Variants in RPGRIP1L observed in about 807,000 individuals in gnomAD.
RPGRIP1L encodes protein fantom.
In RPGRIP1L, 131 loss-of-function variants were observed where a neutral mutation model predicts 160.4. The ratio of observed to expected loss-of-function variants is 0.82; its 90% CI spans 0.71 to 0.94. RPGRIP1L has a LOEUF of 0.94. Ranked by LOEUF, RPGRIP1L falls within the 40% of genes least tolerant of loss-of-function variation. RPGRIP1L has a pLI of 0.00. For synonymous variants in RPGRIP1L, 510 were observed against 515.8 expected (o/e 0.99, Z 0.15); for missense variants, 1,522 against 1,535.8 (o/e 0.99, Z 0.15).
intron 11 of RPGRIP1L, 149 bp downstream of exon 11, chr16:53,658,623 G>A: frequency 1.2e-6 from 1 of 837,658 alleles, no homozygotes; most frequent in Non-Finnish European, 2.0e-6. Context: ...ATGTCCCTAT[G>A]GAACATAAAC....
At chr16:53,659,710 CT>C (rs1418514270) in intron 10 of RPGRIP1L, 1 of 151,746 alleles carries the variant, frequency 6.6e-6, no homozygotes, top group Non-Finnish European at 1.5e-5. Context: ...ACAGGGAGAT[CT>C]CATCTCTTAA....
Position 53,652,475 on chromosome 16 carries a change from A to G in RPGRIP1L, c.2152+60T>C, listed in dbSNP as rs1055055159. On this transcript the variant is annotated intron_variant, in intron 15 of 26. Transcript: ENST00000647211. ...AGAAAAGATAGTAATGTAGAGTACC[A>G]TAACGATATATAAACCAAATTAGTA... 6.2e-6 allele frequency: 8 copies of G among 1,300,088 alleles called. No individual in the cohort carries two copies. The African/African-American group carries it at 1.0e-4, about 17-fold the overall frequency. The allele number at this position is 1,300,088 out of a possible 1,614,324, so 80.5% of individuals were successfully genotyped here.
chr16:53,679,831 G>A (rs1223770748), intron 6 of RPGRIP1L, among the ~76,000 whole-genome samples: 1 of 152,136 alleles, frequency 6.6e-6, no homozygotes, highest in Non-Finnish European at 1.5e-5. Context: ...AAAAACAGCT[G>A]TTGTTTAAAG....
intron 6 of RPGRIP1L, among the ~76,000 whole-genome samples, chr16:53,676,783 C>T (rs552719819): frequency 6.6e-6 from 1 of 152,100 alleles, no homozygotes; most frequent in East Asian, 1.9e-4. Flanking sequence ...CAGGCGCGTG[C>T]CACCATGCAC....
chr16:53,637,793 T>C lies in RPGRIP1L; in HGVS notation c.3122A>G (p.Lys1041Arg). The C allele has an allele frequency of 6.2e-7, 1 of 1,613,426 alleles. No individual in the cohort carries two copies. The highest frequency in any genetic ancestry group is 8.5e-7 in the Non-Finnish European group (1 of 1,179,796). Residue 1041 changes from lysine (K) to arginine (R), a missense_variant, in exon 21 of 27, where the codon AAA becomes AGA. Physicochemically the swap from Lys to Arg is conservative, Grantham distance 26. Coordinates refer to ENST00000647211, the MANE Select transcript of RPGRIP1L (RefSeq NM_015272.5). ...TTCAGATAGTAAAGACACATCATCT[T>C]TTCCTTGCTGCATTTTCTCAGTATT... The part of the protein sequence containing the change: ...KENTEKMQQG[K>R]DDVSLLSEGQ...
rs1436816285 is a variant in RPGRIP1L, at chr16:53,615,470, A to ATTTTTTTT, written c.3616+3554_3616+3555insAAAAAAAA. 3.9e-4 allele frequency among the ~76,000 whole-genome samples: 33 copies of ATTTTTTTT among 85,258 alleles called. 1 individual carries two copies. The highest frequency in any genetic ancestry group is 1.6e-3 in the African/African-American group (31 of 19,820). 55.9% of individuals were successfully genotyped at this position (85,258 alleles called of 152,430 possible). ...TCTAAGAATATATATATATATATAT[A>ATTTTTTTT]TATTTTTTTTTTTTTTTTTTTGAGA... is the stretch of plus-strand genomic sequence containing the variant. On this transcript the variant is annotated intron_variant, in intron 24 of 26. Transcript: ENST00000647211.
intron 8 of RPGRIP1L, 113 bp downstream of exon 8, chr16:53,672,757 C>T (rs943972970): frequency 4.2e-6 from 4 of 949,558 alleles, no homozygotes; most frequent in Admixed American, 4.1e-5. Flanking sequence ...ACACCATGTA[C>T]ATAACTTATA....
rs974340563 is a variant in RPGRIP1L, at chr16:53,645,774, G to A, written c.2534C>T (p.Pro845Leu). 6.2e-7 allele frequency: 1 copy of A among 1,613,988 alleles called. No homozygotes were observed. The highest frequency in any genetic ancestry group is 1.3e-5 in the African/African-American group (1 of 74,918). Residue 845 changes from proline to leucine, a missense_variant, in exon 17 of 27, where the codon CCA becomes CTA. Physicochemically the swap from Pro to Leu is moderately conservative, Grantham distance 98 (BLOSUM62 -3). Transcript: ENST00000647211. ...DPQFDDHMYF[P>L]VPMNMDLDRY... ...ATCCAAGTCCATATTCATTGGCACT[G>A]GGAAATACATATGATCATCAAACTG... is the stretch of plus-strand genomic sequence containing the variant.
intron 10 of RPGRIP1L, among the ~76,000 whole-genome samples, chr16:53,662,511 T>C (rs988261728): frequency 2.6e-5 from 4 of 152,102 alleles, no homozygotes; most frequent in African/African-American, 9.7e-5. Context: ...CAAAGAACAC[T>C]TGATACATGA....
chr16:53,676,001 A>C (rs1969126105), intron 6 of RPGRIP1L, among the ~76,000 whole-genome samples: 1 of 152,138 alleles, frequency 6.6e-6, no homozygotes, highest in Non-Finnish European at 1.5e-5. Context: ...TAAATGTAAA[A>C]AATTTAAAAT....
At chr16:53,620,401 C>A (rs1178625153) in intron 23 of RPGRIP1L, among the ~76,000 whole-genome samples, 1 of 152,092 alleles carries the variant, frequency 6.6e-6, no homozygotes, top group Non-Finnish European at 1.5e-5. Flanking sequence ...AAACCCAAAT[C>A]TGAATATTTC....
At chr16:53,661,758 A>C (rs905488760) in intron 10 of RPGRIP1L, among the ~76,000 whole-genome samples, 2 of 152,188 alleles carry the variant, frequency 1.3e-5, no homozygotes, top group African/African-American at 4.8e-5. Flanking sequence ...TTATTTATTT[A>C]AATGTTTCCA....
rs534593353 is a variant in RPGRIP1L at position 53,641,802 on chromosome 16, C to A, written c.2684-327G>T. Reference sequence around the variant, plus strand: ...TTAATTCACTGAAATTAAATTCAGACATTATTCAGAATTCTTAGCCTTCCT... The same window carrying A: ...TTAATTCACTGAAATTAAATTCAGAAATTATTCAGAATTCTTAGCCTTCCT... On this transcript the variant is annotated intron_variant, in intron 17 of 26. Coordinates refer to ENST00000647211, the MANE Select transcript of RPGRIP1L (RefSeq NM_015272.5). 2.6e-3 allele frequency among the ~76,000 whole-genome samples: 399 copies of A among 152,248 alleles called. 1 individual carries two copies. Among genetic ancestry groups the A allele is most frequent in the Admixed American group, 4.0e-3 (61 of 15,290 alleles).
At chr16:53,662,018 G>C (rs1230238612) in intron 10 of RPGRIP1L, among the ~76,000 whole-genome samples, 1 of 152,124 alleles carries the variant, frequency 6.6e-6, no homozygotes, top group Non-Finnish European at 1.5e-5. Context: ...TATACTTGCT[G>C]AATTATAATA....
intron 6 of RPGRIP1L, among the ~76,000 whole-genome samples, chr16:53,677,023 G>A (rs1008895979): frequency 3.3e-5 from 5 of 152,098 alleles, no homozygotes; most frequent in Middle Eastern, 3.4e-3. Flanking sequence ...TAATCCATTC[G>A]GGCACATAGG....
At chr16:53,698,168 G>A (rs1426398216) in intron 2 of RPGRIP1L, among the ~76,000 whole-genome samples, 20 of 151,164 alleles carry the variant, frequency 1.3e-4, no homozygotes, top group African/African-American at 4.6e-4. Flanking sequence ...CCGCCCGGCA[G>A]CCGCCCCGTC....
chr16:53,702,576 T>C (rs2151427249), intron 1 of RPGRIP1L, among the ~76,000 whole-genome samples: 1 of 152,354 alleles, frequency 6.6e-6, no homozygotes, highest in East Asian at 1.9e-4. Context: ...TTGTATTAGC[T>C]GGTTCCTTAA....
At chr16:53,606,937 T>C (rs1963727068) in intron 25 of RPGRIP1L, among the ~76,000 whole-genome samples, 2 of 152,148 alleles carry the variant, frequency 1.3e-5, no homozygotes, top group Admixed American at 6.5e-5. Context: ...TATTAGAAAA[T>C]AGAAATCCTT....
chr16:53,628,682 A>T (rs1965325476), intron 22 of RPGRIP1L: 1 of 152,216 alleles, frequency 6.6e-6, no homozygotes, highest in African/African-American at 2.4e-5. Flanking sequence ...TTAACAAACA[A>T]AAGAAAACCA....
Sources: allele counts gnomAD v4.1 joint callset (sites outside exome capture counted in the v4.1 genomes callset), GRCh38; gene constraint gnomAD v4.1.1; transcripts MANE v1.5; gene names NCBI Gene and HGNC (gene_info 2026-07-23, HGNC 2026-07-21).